Variants in ARHGEF4 observed in about 807,000 individuals in gnomAD.
ARHGEF4 encodes APC-stimulated guanine nucleotide exchange factor 1.
Under a neutral mutation model 162.0 loss-of-function variants are expected in ARHGEF4, and 119 were observed. That is an observed-to-expected ratio of 0.73 (90% CI 0.63 to 0.86). The LOEUF (loss-of-function observed/expected upper bound fraction) is 0.86. Ranked by LOEUF, ARHGEF4 falls within the 40% of genes least tolerant of loss-of-function variation. The probability of loss-of-function intolerance (pLI) is 0.00; values close to 1 mark genes in which losing one functional copy is unlikely to be tolerated. For synonymous variants in ARHGEF4, 1,014 were observed against 979.9 expected, an observed-to-expected ratio of 1.03 and a Z score of -0.65; for missense variants, 2,488 against 2,456.0, an observed-to-expected ratio of 1.01 and a Z score of -0.28.
chr2:131,036,615 C>A (rs1690304920), intron 5 of ARHGEF4, among the ~76,000 whole-genome samples: 1 of 152,190 alleles, frequency 6.6e-6, no homozygotes, highest in Admixed American at 6.5e-5. Context: ...CCTGCAGGGA[C>A]AGGCAGCATA....
intron 12 of ARHGEF4, among the ~76,000 whole-genome samples, chr2:131,045,015 C>A (rs1464020558): frequency 6.6e-6 from 1 of 152,178 alleles, no homozygotes; most frequent in Non-Finnish European, 1.5e-5. Flanking sequence ...TGTCCACGGG[C>A]CCCCACATTA....
At position 131,002,709 on chromosome 2, in the gene ARHGEF4, C is replaced by CAAA. The variant is rs66979991; in HGVS notation, c.3986-25206_3986-25204dup. ...TGGGCGACAGAGCGAGACTCCGTCT[C>CAAA]AAAAAAAAAAAAAAAAAAAAAAAAA... On this transcript the variant is annotated intron_variant, in intron 4 of 13. Transcript: ENST00000409359. Among the ~76,000 whole-genome samples the CAAA allele has an allele frequency of 1.1e-3, 60 of 53,238 alleles. 1 individual carries two copies. The highest frequency in any genetic ancestry group is 5.1e-3 in the East Asian group (7 of 1,384). The allele number at this position is 53,238 out of a possible 152,430, so 34.9% of individuals were successfully genotyped here.
intron 4 of ARHGEF4, among the ~76,000 whole-genome samples, chr2:131,003,598 G>A (rs1204360988): frequency 1.3e-5 from 2 of 152,302 alleles, no homozygotes; most frequent in African/African-American, 4.8e-5. Flanking sequence ...GCCTGTCAAT[G>A]AGGAAGAAGA....
chr2:131,005,233 C>T (rs1307745102), intron 4 of ARHGEF4, among the ~76,000 whole-genome samples: 1 of 152,180 alleles, frequency 6.6e-6, no homozygotes, highest in African/African-American at 2.4e-5. Flanking sequence ...GGGGGCAGAG[C>T]TGACTTGACT....
At chr2:130,943,177 T>C (rs1266990162) in intron 3 of ARHGEF4, among the ~76,000 whole-genome samples, 1 of 152,208 alleles carries the variant, frequency 6.6e-6, no homozygotes, top group Non-Finnish European at 1.5e-5. Flanking sequence ...GTCTTTTTGG[T>C]GAATTCACTC....
intron 1 of ARHGEF4, among the ~76,000 whole-genome samples, chr2:130,891,081 A>G (rs1007390352): frequency 7.2e-5 from 11 of 152,150 alleles, no homozygotes; most frequent in Admixed American, 5.2e-4. Flanking sequence ...CACAATGTAG[A>G]CAAGAGGCAG....
chr2:130,951,551 G>A (rs1683959187), intron 4 of ARHGEF4, among the ~76,000 whole-genome samples: 2 of 152,168 alleles, frequency 1.3e-5, no homozygotes, highest in South Asian at 4.1e-4. Flanking sequence ...TATGGGCACA[G>A]TTCATGGCAT....
chr2:130,964,296 G>T lies in ARHGEF4; in HGVS notation c.3985+17661G>T, dbSNP rs1371477350. On this transcript the variant is annotated intron_variant, in intron 4 of 13. Coordinates refer to ENST00000409359, the MANE Select transcript of ARHGEF4 (RefSeq NM_001367493.1). The stretch of plus-strand genomic sequence containing the variant: ...CGCCGCACGCGCCCTCCGCGCCCGG[G>T]TCTGTGCTCTTGGGACCCCCCGCCC... 6.1e-6 allele frequency: 6 copies of T among 981,630 alleles called. No individual in the cohort carries two copies. In the South Asian group the frequency reaches 1.4e-4, roughly 23 times the overall value. The allele number at this position is 981,630 out of a possible 1,614,324, so 60.8% of individuals were successfully genotyped here. A position where few individuals can be genotyped will look rare whatever the true frequency, so the allele number is the denominator to read the frequency against.
chr2:130,912,161 C>A (rs1277992105), intron 1 of ARHGEF4, among the ~76,000 whole-genome samples: 1 of 152,240 alleles, frequency 6.6e-6, no homozygotes, highest in Non-Finnish European at 1.5e-5. Flanking sequence ...TTGCACAGTT[C>A]TCTGTGCTTG....
chr2:131,027,881 C>A, intron 4 of ARHGEF4, 64 bp from the exon 5 acceptor site: 1 of 1,590,672 alleles, frequency 6.3e-7, no homozygotes, highest in Non-Finnish European at 8.6e-7. Context: ...TCCTTCTCCA[C>A]GTGTTCTCCC....
intron 1 of ARHGEF4, among the ~76,000 whole-genome samples, chr2:130,911,577 C>T (rs1484875523): frequency 6.6e-6 from 1 of 152,182 alleles, no homozygotes; most frequent in Non-Finnish European, 1.5e-5. Flanking sequence ...TTTTGATGTA[C>T]TCATTGAATT....
intron 4 of ARHGEF4, among the ~76,000 whole-genome samples, chr2:130,984,688 TAAAAAA>T (rs78222237): frequency 7.3e-6 from 1 of 137,480 alleles, no homozygotes; most frequent in African/African-American, 2.7e-5. Context: ...GGCTCTGTCT[TAAAAAA>T]AAAAAAAAAA....
At chr2:130,917,640 C>A (rs551088136) in intron 2 of ARHGEF4, 142 bp downstream of exon 2, 4 of 1,110,138 alleles carry the variant, frequency 3.6e-6, no homozygotes, top group South Asian at 1.7e-5. Flanking sequence ...AGCCGCCCCC[C>A]CTCCCCCAGT....
intron 4 of ARHGEF4, among the ~76,000 whole-genome samples, chr2:130,957,697 A>G (rs1684372146): frequency 6.6e-6 from 1 of 152,158 alleles, no homozygotes; most frequent in Admixed American, 6.6e-5. Flanking sequence ...TAGATCATGA[A>G]GGTGGATCCT....
intron 1 of ARHGEF4, among the ~76,000 whole-genome samples, chr2:130,852,119 G>T (rs1352549547): frequency 1.3e-5 from 2 of 152,260 alleles, no homozygotes; most frequent in Non-Finnish European, 2.9e-5. Context: ...AGAGTTGGCT[G>T]AGCGCCTGCT....
chr2:130,944,422 C>T (rs1040308093), intron 3 of ARHGEF4, among the ~76,000 whole-genome samples: 2 of 152,226 alleles, frequency 1.3e-5, no homozygotes, highest in African/African-American at 4.8e-5. Flanking sequence ...GTTGTTGTCA[C>T]ACAGGTCCCT....
chr2:130,837,500 C>T, intron 1 of ARHGEF4: 1 of 378,378 alleles, frequency 2.6e-6, no homozygotes, highest in Admixed American at 3.2e-5. Context: ...CGGCAAGGGG[C>T]TGGAACTGGG....
intron 1 of ARHGEF4, among the ~76,000 whole-genome samples, chr2:130,888,125 C>G (rs1176367259): frequency 6.6e-6 from 1 of 152,000 alleles, no homozygotes; most frequent in Non-Finnish European, 1.5e-5. Context: ...TGCCGTATTC[C>G]TTTTTACTTG....
intron 3 of ARHGEF4, among the ~76,000 whole-genome samples, chr2:130,942,622 G>C (rs1683379550): frequency 6.6e-6 from 1 of 152,206 alleles, no homozygotes; most frequent in Non-Finnish European, 1.5e-5. Flanking sequence ...CGCATACGTT[G>C]AGTGAATCAG....
Sources: allele counts gnomAD v4.1 joint callset (sites outside exome capture counted in the v4.1 genomes callset), GRCh38; gene constraint gnomAD v4.1.1; transcripts MANE v1.5; gene names NCBI Gene and HGNC (gene_info 2026-07-23, HGNC 2026-07-21).